The following PCNX2 variants were observed in gnomAD, a reference collection of about 807,000 sequenced individuals.
The protein encoded by PCNX2 is pecanex 2.
PCNX2 carries 168 observed loss-of-function variants against 223.8 expected under a neutral mutation model. That is an observed-to-expected ratio of 0.75 (90% CI 0.66 to 0.85). PCNX2 has a LOEUF of 0.85. Among genes scored for constraint, PCNX2 ranks in the 40% least tolerant of loss-of-function variants. The pLI, the probability that PCNX2 is intolerant of heterozygous loss-of-function variation, is 0.00. For synonymous variants in PCNX2, 1,006 were observed against 1,052.6 expected (o/e 0.96, Z 0.86); for missense variants, 2,507 against 2,675.5 (o/e 0.94, Z 1.39).
intron 21 of PCNX2, among the ~76,000 whole-genome samples, chr1:233,124,360 A>G (rs1001602801): frequency 6.6e-5 from 10 of 152,370 alleles, no homozygotes; most frequent in African/African-American, 2.4e-4. Flanking sequence ...TTCCAGAATT[A>G]CGAAAAAGAT....
intron 21 of PCNX2, among the ~76,000 whole-genome samples, chr1:233,118,205 T>C (rs1280675670): frequency 3.3e-5 from 5 of 152,010 alleles, no homozygotes; most frequent in African/African-American, 4.8e-5. Flanking sequence ...TAAAAATGCT[T>C]AGAAAAATAG....
chr1:233,197,468 T>C (rs1473471737), intron 15 of PCNX2, among the ~76,000 whole-genome samples: 1 of 152,132 alleles, frequency 6.6e-6, no homozygotes, highest in Admixed American at 6.5e-5. Flanking sequence ...ATCCTATGAT[T>C]AAATAAAGGA....
intron 23 of PCNX2, among the ~76,000 whole-genome samples, chr1:233,068,046 CA>C (rs202038415): frequency 1.3e-5 from 2 of 151,512 alleles, no homozygotes; most frequent in East Asian, 1.9e-4. Flanking sequence ...AATATAAACA[CA>C]AAAAAAAGCT....
At chr1:233,255,459 C>T (rs1303727284) in intron 5 of PCNX2, among the ~76,000 whole-genome samples, 1 of 152,208 alleles carries the variant, frequency 6.6e-6, no homozygotes, top group Non-Finnish European at 1.5e-5. Context: ...GACTCCCTTG[C>T]TATAAGCAAG....
At chr1:233,235,958 AT>A (rs60439732) in intron 9 of PCNX2, among the ~76,000 whole-genome samples, 1,020 of 19,346 alleles carry the variant, frequency 0.053, 26 homozygotes, top group Middle Eastern at 0.13. Context: ...ATAAAAAAAA[AT>A]ATATATATAT....
chr1:233,184,990 C>G (rs1680007952), intron 15 of PCNX2, among the ~76,000 whole-genome samples: 1 of 151,616 alleles, frequency 6.6e-6, no homozygotes, highest in Non-Finnish European at 1.5e-5. Context: ...ACAAAGCAAA[C>G]CACCTGGATC....
At position 233,295,697 on chromosome 1, in the gene PCNX2, C is replaced by A; in HGVS notation, c.-219G>T. ...CGGCGCCGGAGCCGGCTGCTGCGGC[C>A]GGGCAGGTGAGCGCCATGTCCGAGG... On this transcript the variant is annotated 5_prime_UTR_variant, in exon 1 of 34. Transcript: ENST00000258229. This position sits in a 1 kb window ranked among gnomAD's most constrained non-coding sequence, Gnocchi z 4.1. 1 of 434,188 alleles carries A rather than the reference C, an allele frequency of 2.3e-6. No individual in the cohort carries two copies. Among genetic ancestry groups the A allele is most frequent in the East Asian group, 4.2e-5 (1 of 24,076 alleles). The allele number at this position is 434,188 out of a possible 1,614,324, so 26.9% of individuals were successfully genotyped here. A position where few individuals can be genotyped will look rare whatever the true frequency, so the allele number is the denominator to read the frequency against.
At chr1:233,278,475 T>C (rs975886285) in intron 1 of PCNX2, among the ~76,000 whole-genome samples, 45 of 152,100 alleles carry the variant, frequency 3.0e-4, no homozygotes, top group African/African-American at 1.1e-3. Flanking sequence ...CCTCCTGAGG[T>C]GTTTTATCAC....
intron 1 of PCNX2, among the ~76,000 whole-genome samples, chr1:233,289,623 A>G (rs1285614070): frequency 1.3e-5 from 2 of 152,254 alleles, no homozygotes; most frequent in African/African-American, 2.4e-5. Context: ...GCAAAGGATC[A>G]GGCATCTCAA....
chr1:233,008,323 C>G (rs1236338028), intron 28 of PCNX2, among the ~76,000 whole-genome samples: 1 of 152,160 alleles, frequency 6.6e-6, no homozygotes, highest in Non-Finnish European at 1.5e-5. Context: ...TGCTTCACTT[C>G]CTCTAGAGTT....
chr1:233,014,524 T>C (rs6424263), intron 28 of PCNX2, 141 bp downstream of exon 28: 250,227 of 654,218 alleles, frequency 0.38, 51,112 homozygotes, highest in African/African-American at 0.65. Flanking sequence ...GTAGGCCCAA[T>C]ATAATTTATT....
At chr1:233,090,308 G>T (rs771650735) in intron 22 of PCNX2, 118 bp from the exon 23 acceptor site, 51 of 1,180,760 alleles carry the variant, frequency 4.3e-5, no homozygotes, top group Non-Finnish European at 5.9e-5. Flanking sequence ...AAAGAACAAA[G>T]AACACACACT....
At chr1:233,290,711 T>C (rs1661711025) in intron 1 of PCNX2, 3 of 956,674 alleles carry the variant, frequency 3.1e-6, no homozygotes, top group Non-Finnish European at 1.2e-6. Flanking sequence ...ATTATAATTA[T>C]AGCAATTAGA....
At chr1:233,111,303 G>A (rs945332972) in intron 21 of PCNX2, among the ~76,000 whole-genome samples, 2 of 152,162 alleles carry the variant, frequency 1.3e-5, no homozygotes, top group African/African-American at 4.8e-5. Flanking sequence ...ATTGAATGAG[G>A]TCATCCATGT....
intron 1 of PCNX2, among the ~76,000 whole-genome samples, chr1:233,293,506 C>T (rs576919960): frequency 6.6e-6 from 1 of 152,278 alleles, no homozygotes; most frequent in Admixed American, 6.5e-5. Flanking sequence ...AAGTACCAGA[C>T]AGAATTCGAA....
intron 21 of PCNX2, among the ~76,000 whole-genome samples, chr1:233,115,275 T>C (rs941532365): frequency 2.6e-5 from 4 of 150,978 alleles, no homozygotes; most frequent in South Asian, 2.1e-4. Flanking sequence ...TGGAAGATAA[T>C]AGAATGCTCC....
intron 19 of PCNX2, among the ~76,000 whole-genome samples, chr1:233,144,957 T>C (rs71577282): frequency 7.0e-6 from 1 of 142,708 alleles, no homozygotes; most frequent in Non-Finnish European, 1.5e-5. Context: ...TGTTTTGTTT[T>C]TTTTTTTTGT....
At chr1:233,260,535 T>C (rs1659991530) in intron 4 of PCNX2, among the ~76,000 whole-genome samples, 1 of 152,136 alleles carries the variant, frequency 6.6e-6, no homozygotes, top group South Asian at 2.1e-4. Context: ...AGCAATAATA[T>C]AGAAAAAATA....
At chr1:233,192,997 A>C (rs1180204062) in intron 15 of PCNX2, among the ~76,000 whole-genome samples, 1 of 147,526 alleles carries the variant, frequency 6.8e-6, no homozygotes, top group Admixed American at 6.8e-5. Flanking sequence ...TTAGACTTAT[A>C]TATTATATAT....
Sources: allele counts gnomAD v4.1 joint callset (sites outside exome capture counted in the v4.1 genomes callset), GRCh38; gene constraint gnomAD v4.1.1; non-coding constraint Gnocchi (gnomAD v3.1); transcripts MANE v1.5; gene names NCBI Gene and HGNC (gene_info 2026-07-23, HGNC 2026-07-21).